CCDC69: variants seen among roughly 807,000 people sequenced by gnomAD.
CCDC69 encodes the protein coiled-coil domain containing 69.
A neutral mutation model predicts 40.3 loss-of-function variants in CCDC69; 38 were observed. That is an observed-to-expected ratio of 0.94 (90% CI 0.73 to 1.24). The LOEUF (loss-of-function observed/expected upper bound fraction) is 1.24. Among genes scored for constraint, CCDC69 ranks in the 50% most tolerant of loss-of-function variants. The pLI is 0.00. For missense variants in CCDC69, 389 were observed against 357.9 expected (o/e 1.09, Z -0.70); for synonymous variants, 141 against 138.9 (o/e 1.02, Z -0.11).
Position 151,182,025 on chromosome 5 carries a change from T to A in CCDC69, c.*1412A>T, listed in dbSNP as rs1006327830. On this transcript the variant is annotated 3_prime_UTR_variant, in exon 9 of 9. Coordinates refer to ENST00000355417, the MANE Select transcript of CCDC69 (RefSeq NM_015621.3). ...AAGGCAGTCTGGGATGATGTCACTATAGAATGACTGATGAAAAATGCAGAT... is the reference window on the plus strand; with the variant it reads ...AAGGCAGTCTGGGATGATGTCACTAAAGAATGACTGATGAAAAATGCAGAT... 2 of 152,256 alleles carry A rather than the reference T, an allele frequency of 1.3e-5. No homozygotes were observed. Among genetic ancestry groups the A allele is most frequent in the African/African-American group, 4.8e-5 (2 of 41,458 alleles). 9.4% of individuals were successfully genotyped at this position (152,256 alleles called of 1,614,324 possible). A position where few individuals can be genotyped will look rare whatever the true frequency, so the allele number is the denominator to read the frequency against.
At position 151,183,141 on chromosome 5, in the gene CCDC69, A is replaced by C. The variant is rs1368366262; in HGVS notation, c.*296T>G. The C allele has an allele frequency of 9.0e-6, 5 of 558,554 alleles. No individual in the cohort carries two copies. The highest frequency in any genetic ancestry group is 1.7e-5 in the Non-Finnish European group (5 of 293,826). The allele number at this position is 558,554 out of a possible 1,614,324, so 34.6% of individuals were successfully genotyped here. ...AGCGTGACACAGACTGCCCCTGGGA[A>C]AGCCTCGGAACTTCTCGGATTGGGA... On this transcript the variant is annotated 3_prime_UTR_variant, in exon 9 of 9. Coordinates refer to ENST00000355417, the MANE Select transcript of CCDC69 (RefSeq NM_015621.3).
intron 3 of CCDC69, among the ~76,000 whole-genome samples, chr5:151,200,508 A>C (rs529117150): frequency 6.6e-6 from 1 of 152,356 alleles, no homozygotes; most frequent in Non-Finnish European, 1.5e-5. Context: ...TTATAATTTA[A>C]ACTAAAGAAA....
intron 1 of CCDC69, among the ~76,000 whole-genome samples, chr5:151,206,895 G>T (rs527402971): frequency 6.6e-6 from 1 of 150,820 alleles, no homozygotes; most frequent in South Asian, 2.1e-4. Flanking sequence ...CTCCCAAAGT[G>T]CTGGGATTAC....
rs755291460 is a variant in CCDC69 at position 151,184,315 on chromosome 5, G to A, written c.713+29C>T. The A allele has an allele frequency of 9.1e-5, 141 of 1,552,166 alleles. 3 individuals carry two copies. In the South Asian group the frequency reaches 1.0e-3, roughly 11 times the overall value. On this transcript the variant is annotated intron_variant, in intron 8 of 8. Transcript: ENST00000355417. The stretch of plus-strand genomic sequence containing the variant: ...GAATTTTGGCAAAAAGGGTGGGGAT[G>A]GGAGTAAAGGAGGCAGGAAGACAGC...
In CCDC69 at chr5:151,185,586, C is replaced by T. The variant is rs757001522; in HGVS notation, c.496-45G>A. The T allele has an allele frequency of 2.7e-5, 43 of 1,597,726 alleles. No homozygotes were observed. In the East Asian group the frequency reaches 8.1e-4, roughly 30 times the overall value. ...CCTCATTAGGCCAGTAGGCTACCTC[C>T]CTCCTCCCCATTCTGCCAGCAACTC... On this transcript the variant is annotated intron_variant, in intron 6 of 8. Coordinates refer to ENST00000355417, the MANE Select transcript of CCDC69 (RefSeq NM_015621.3).
In CCDC69 at chr5:151,198,843, C is replaced by A. The variant is rs367657523; in HGVS notation, c.319+154G>T. The A allele has an allele frequency of 3.7e-5, 23 of 616,088 alleles. No individual in the cohort carries two copies. In the African/African-American group the frequency reaches 4.0e-4, roughly 11 times the overall value. The allele number at this position is 616,088 out of a possible 1,614,324, so 38.2% of individuals were successfully genotyped here. A position where few individuals can be genotyped will look rare whatever the true frequency, so the allele number is the denominator to read the frequency against. On this transcript the variant is annotated intron_variant, in intron 4 of 8. Transcript: ENST00000355417. ...TGCCCCAAAGGAAAAGTCCATCAAC[C>A]CTCTAGGGCCAAGGATCCTGTAGAT...
chr5:151,189,122 G>A (rs1417650593), intron 4 of CCDC69, among the ~76,000 whole-genome samples: 4 of 152,212 alleles, frequency 2.6e-5, no homozygotes, highest in Admixed American at 6.5e-5. Context: ...TCCTATAGAT[G>A]TAGGAATTAT....
At chr5:151,207,862 G>T (rs1201436899) in intron 1 of CCDC69, among the ~76,000 whole-genome samples, 1 of 151,740 alleles carries the variant, frequency 6.6e-6, no homozygotes, top group Non-Finnish European at 1.5e-5. Flanking sequence ...ACAAAGAAGA[G>T]AAAGAAAGAG....
rs752376662 is a variant in CCDC69 at position 151,187,505 on chromosome 5, A to G, written c.320-46T>C. The G allele has an allele frequency of 8.7e-6, 13 of 1,494,420 alleles. No homozygotes were observed. In the East Asian group the frequency reaches 1.9e-4, roughly 21 times the overall value. The allele number at this position is 1,494,420 out of a possible 1,614,324, so 92.6% of individuals were successfully genotyped here. The stretch of plus-strand genomic sequence containing the variant: ...CATAAGCTCAAGACACTTCTCCCCA[A>G]AGCCTTCTGCAGGCCCCTTGGTGGC... On this transcript the variant is annotated intron_variant, in intron 4 of 8. Coordinates refer to ENST00000355417, the MANE Select transcript of CCDC69 (RefSeq NM_015621.3).
At chr5:151,217,182 G>T (rs1753057401) in intron 1 of CCDC69, among the ~76,000 whole-genome samples, 1 of 152,150 alleles carries the variant, frequency 6.6e-6, no homozygotes, top group Non-Finnish European at 1.5e-5. Flanking sequence ...TACCTGAGAA[G>T]TATGTAAAAT....
At chr5:151,188,620 A>T (rs994666636) in intron 4 of CCDC69, among the ~76,000 whole-genome samples, 8 of 151,814 alleles carry the variant, frequency 5.3e-5, no homozygotes, top group Non-Finnish European at 4.4e-5. Flanking sequence ...AAGAAGAAAA[A>T]AATAATGTTC....
intron 1 of CCDC69, among the ~76,000 whole-genome samples, chr5:151,221,901 G>T (rs988546345): frequency 6.6e-6 from 1 of 152,246 alleles, no homozygotes; most frequent in Admixed American, 6.5e-5. Flanking sequence ...TGGCACCTGG[G>T]TGAGAAATTG....
In CCDC69 at chr5:151,185,533, C is replaced by T; in HGVS notation, c.504G>A (p.Gly168=). ...CCTGCTCCCAGAACTGGCTGGGGCT[C>T]CCATAATCCTAGACAGGGACAGAGT... The part of the protein sequence containing the change: ...RNYKKHIQDY[G]SPSQFWEQEL... Residue 168 remains glycine, a synonymous_variant, in exon 7 of 9, where the codon GGG becomes GGA. Coordinates refer to ENST00000355417, the MANE Select transcript of CCDC69 (RefSeq NM_015621.3). The T allele has an allele frequency of 6.2e-7, 1 of 1,613,986 alleles. No homozygotes were observed. Among genetic ancestry groups the T allele is most frequent in the Non-Finnish European group, 8.5e-7 (1 of 1,179,910 alleles).
At chr5:151,185,295 A>G in intron 7 of CCDC69, 127 bp downstream of exon 7, 1 of 1,005,482 alleles carries the variant, frequency 9.9e-7, no homozygotes, top group Non-Finnish European at 1.5e-6. Context: ...CACAGGTGGC[A>G]GGTCAAAGCT....
In CCDC69 at chr5:151,221,282, A is replaced by G. The variant is rs145495114; in HGVS notation, c.48+2641T>C. On this transcript the variant is annotated intron_variant, in intron 1 of 8. Transcript: ENST00000355417. Reference sequence around the variant, plus strand: ...AATCCTTTCTAAAAGTGCCTGCCTCATTCCTTGCTGCCTGCCACCTCCATT... The same window carrying G: ...AATCCTTTCTAAAAGTGCCTGCCTCGTTCCTTGCTGCCTGCCACCTCCATT... 1.1e-3 allele frequency among the ~76,000 whole-genome samples: 174 copies of G among 152,188 alleles called. 1 individual carries two copies. Among genetic ancestry groups the G allele is most frequent in the African/African-American group, 4.0e-3 (166 of 41,522 alleles).
At chr5:151,206,422 A>G (rs1752853725) in intron 1 of CCDC69, among the ~76,000 whole-genome samples, 1 of 152,198 alleles carries the variant, frequency 6.6e-6, no homozygotes, top group Non-Finnish European at 1.5e-5. Context: ...TTGACATTCT[A>G]GTCCCTCTCC....
intron 4 of CCDC69, among the ~76,000 whole-genome samples, chr5:151,196,700 G>C (rs1752704286): frequency 6.7e-6 from 1 of 149,566 alleles, no homozygotes; most frequent in African/African-American, 2.4e-5. Context: ...CACTAGGATA[G>C]CAACAGGTGT....
At position 151,181,086 on chromosome 5, in the gene CCDC69, T is replaced by A. The variant is rs1766617751; in HGVS notation, c.*2351A>T. 6.6e-6 allele frequency: 1 copy of A among 152,104 alleles called. No individual in the cohort carries two copies. Among genetic ancestry groups the A allele is most frequent in the Admixed American group, 6.5e-5 (1 of 15,278 alleles). The allele number at this position is 152,104 out of a possible 1,614,324, so 9.4% of individuals were successfully genotyped here. A position where few individuals can be genotyped will look rare whatever the true frequency, so the allele number is the denominator to read the frequency against. ...GCATGTTCTTTTTAGTTTCCATACATCGTCTGTCCCAGAGTGAGGAGAAGT... is the reference window on the plus strand; with the variant it reads ...GCATGTTCTTTTTAGTTTCCATACAACGTCTGTCCCAGAGTGAGGAGAAGT... On this transcript the variant is annotated 3_prime_UTR_variant, in exon 9 of 9. Coordinates refer to ENST00000355417, the MANE Select transcript of CCDC69 (RefSeq NM_015621.3).
At chr5:151,195,758 C>T (rs916434746) in intron 4 of CCDC69, among the ~76,000 whole-genome samples, 5 of 149,728 alleles carry the variant, frequency 3.3e-5, no homozygotes, top group Non-Finnish European at 7.4e-5. Context: ...CTCACACCCA[C>T]ACACACACCC....
Sources: allele counts gnomAD v4.1 joint callset (sites outside exome capture counted in the v4.1 genomes callset), GRCh38; gene constraint gnomAD v4.1.1; transcripts MANE v1.5; gene names NCBI Gene and HGNC (gene_info 2026-07-23, HGNC 2026-07-21).